Variants in TRAPPC9 observed in about 807,000 individuals in gnomAD.
TRAPPC9 encodes trafficking protein particle complex subunit 9, also known as IKK2 binding protein.
Under a neutral mutation model 124.0 loss-of-function variants are expected in TRAPPC9, and 83 were observed. That is an observed-to-expected ratio of 0.67 (90% CI 0.56 to 0.80). TRAPPC9 has a LOEUF of 0.80. Among genes scored for constraint, TRAPPC9 ranks in the 30% least tolerant of loss-of-function variants. The pLI is 0.00. For synonymous variants in TRAPPC9, 638 were observed against 617.5 expected (o/e 1.03, Z -0.49); for missense variants, 1,302 against 1,508.3 (o/e 0.86, Z 2.27).
At chr8:140,404,396 G>A (rs1364591061) in intron 6 of TRAPPC9, among the ~76,000 whole-genome samples, 1 of 152,178 alleles carries the variant, frequency 6.6e-6, no homozygotes, top group African/African-American at 2.4e-5. Flanking sequence ...GAAATCTTAA[G>A]AGCAGGCATT....
intron 1 of TRAPPC9, among the ~76,000 whole-genome samples, chr8:140,456,146 A>G (rs2071655015): frequency 6.6e-6 from 1 of 152,154 alleles, no homozygotes; most frequent in African/African-American, 2.4e-5. Context: ...ATGGTGGCTC[A>G]CGCCTGTAAT....
At chr8:139,736,416 C>G (rs1404968436) in intron 21 of TRAPPC9, among the ~76,000 whole-genome samples, 2 of 152,222 alleles carry the variant, frequency 1.3e-5, no homozygotes, top group East Asian at 3.8e-4. Context: ...CAGCAAGCAG[C>G]CGTTTCCTTC....
At chr8:139,733,698 A>G (rs1193827883) in intron 21 of TRAPPC9, among the ~76,000 whole-genome samples, 1 of 152,180 alleles carries the variant, frequency 6.6e-6, no homozygotes, top group Non-Finnish European at 1.5e-5. Flanking sequence ...GGGCCACAAG[A>G]GCACTCCCAC....
chr8:139,992,299 A>G (rs1837698646), intron 18 of TRAPPC9, among the ~76,000 whole-genome samples: 1 of 152,186 alleles, frequency 6.6e-6, no homozygotes, highest in Non-Finnish European at 1.5e-5. Flanking sequence ...AGAGATGTAC[A>G]GGTTGAGTAT....
At chr8:140,157,775 A>C (rs568617831) in intron 17 of TRAPPC9, among the ~76,000 whole-genome samples, 1 of 152,330 alleles carries the variant, frequency 6.6e-6, no homozygotes, top group East Asian at 1.9e-4. Flanking sequence ...AAAAGCAAAA[A>C]GAAGAAAAAT....
intron 21 of TRAPPC9, among the ~76,000 whole-genome samples, chr8:139,844,121 C>T (rs1008434789): frequency 3.9e-5 from 6 of 152,172 alleles, no homozygotes; most frequent in African/African-American, 1.4e-4. Flanking sequence ...CTATGCTCAC[C>T]CGCCAGAGTC....
At position 140,097,360 on chromosome 8, in the gene TRAPPC9, G is replaced by A. The variant is rs1254420956; in HGVS notation, c.2557-73281C>T. Reference sequence around the variant, plus strand: ...AGCCCTGCCACTGTCTGCAGGGTAAGGACGCCCACCTGGGTTCTTGTGCCA... The same window carrying A: ...AGCCCTGCCACTGTCTGCAGGGTAAAGACGCCCACCTGGGTTCTTGTGCCA... On this transcript the variant is annotated intron_variant, in intron 17 of 22. Transcript: ENST00000438773. This position sits in a 1 kb window ranked among gnomAD's most constrained non-coding sequence, Gnocchi z 4.2. The A allele has an allele frequency of 1.3e-5, 2 of 152,356 alleles. No homozygotes were observed. The highest frequency in any genetic ancestry group is 1.3e-4 in the Admixed American group (2 of 15,286). 9.4% of individuals were successfully genotyped at this position (152,356 alleles called of 1,614,324 possible).
chr8:140,003,862 T>A (rs1838572039), intron 18 of TRAPPC9, among the ~76,000 whole-genome samples: 1 of 152,168 alleles, frequency 6.6e-6, no homozygotes, highest in South Asian at 2.1e-4. Flanking sequence ...ACTAGAGAAT[T>A]GAAAACTTAA....
intron 13 of TRAPPC9, among the ~76,000 whole-genome samples, chr8:140,285,043 A>T (rs1342750559): frequency 6.6e-6 from 1 of 152,132 alleles, no homozygotes; most frequent in Non-Finnish European, 1.5e-5. Context: ...TCCTTTTCTT[A>T]CCTGTTGCTT....
chr8:140,172,590 AG>A (rs1257219302), intron 17 of TRAPPC9, among the ~76,000 whole-genome samples: 1 of 152,130 alleles, frequency 6.6e-6, no homozygotes, highest in Non-Finnish European at 1.5e-5. Flanking sequence ...GACTTAAGAA[AG>A]GAACAGCCTA....
At chr8:139,842,591 C>T (rs1157074072) in intron 21 of TRAPPC9, among the ~76,000 whole-genome samples, 1 of 144,640 alleles carries the variant, frequency 6.9e-6, no homozygotes, top group Non-Finnish European at 1.5e-5. Flanking sequence ...CTCTCGCCTT[C>T]GTGCCCGGGG....
intron 21 of TRAPPC9, among the ~76,000 whole-genome samples, chr8:139,861,058 G>A (rs563262821): frequency 1.3e-5 from 2 of 152,260 alleles, no homozygotes; most frequent in African/African-American, 4.8e-5. Context: ...GCATATGCTG[G>A]CGGGAAGAAC....
At position 139,730,778 on chromosome 8, in the gene TRAPPC9, G is replaced by T. The variant is rs2129916797; in HGVS notation, c.*283C>A. ...ATGGGTGCAGGGATCCTGGGACCTGGGCTGGATGGGCACCCGCTTTGGGAT... is the reference window on the plus strand; with the variant it reads ...ATGGGTGCAGGGATCCTGGGACCTGTGCTGGATGGGCACCCGCTTTGGGAT... On this transcript the variant is annotated 3_prime_UTR_variant, in exon 23 of 23. Coordinates refer to ENST00000438773, the MANE Select transcript of TRAPPC9 (RefSeq NM_001160372.4). 2 of 485,066 alleles carry T rather than the reference G, an allele frequency of 4.1e-6. No individual in the cohort carries two copies. The highest frequency in any genetic ancestry group is 4.7e-5 in the South Asian group (2 of 42,162). 30.0% of individuals were successfully genotyped at this position (485,066 alleles called of 1,614,324 possible).
At chr8:140,423,816 G>A (rs573484974) in intron 5 of TRAPPC9, among the ~76,000 whole-genome samples, 13 of 151,982 alleles carry the variant, frequency 8.6e-5, no homozygotes, top group African/African-American at 1.2e-4. Context: ...ATACTGACAC[G>A]TGCTATACGC....
intron 9 of TRAPPC9, among the ~76,000 whole-genome samples, chr8:140,340,307 C>G (rs1250326561): frequency 6.6e-6 from 1 of 152,194 alleles, no homozygotes; most frequent in Non-Finnish European, 1.5e-5. Flanking sequence ...AACTTTAGCT[C>G]GTTACTCTGT....
At chr8:140,294,673 T>C (rs2065756271) in intron 11 of TRAPPC9, among the ~76,000 whole-genome samples, 1 of 151,372 alleles carries the variant, frequency 6.6e-6, no homozygotes, top group Non-Finnish European at 1.5e-5. Flanking sequence ...AGTGGTGTGA[T>C]CTCGGCTCAC....
At chr8:140,135,194 A>T (rs1587782068) in intron 17 of TRAPPC9, among the ~76,000 whole-genome samples, 1 of 152,200 alleles carries the variant, frequency 6.6e-6, no homozygotes, top group East Asian at 1.9e-4. Flanking sequence ...CGAGAAATTG[A>T]AACCCTTGTG....
At chr8:140,229,259 T>C (rs1338557239) in intron 16 of TRAPPC9, among the ~76,000 whole-genome samples, 8 of 23,448 alleles carry the variant, frequency 3.4e-4, no homozygotes, top group East Asian at 1.1e-3. Flanking sequence ...TTCTTTTTTT[T>C]TTTTTTTTTT....
intron 19 of TRAPPC9, among the ~76,000 whole-genome samples, chr8:139,975,787 T>A (rs547292968): frequency 1.3e-5 from 2 of 152,266 alleles, no homozygotes; most frequent in South Asian, 2.1e-4. Context: ...CCTCTCTTCA[T>A]GTCACCTGTC....
Sources: gnomAD v4.1 joint callset for allele counts (sites outside exome capture counted in the v4.1 genomes callset) on GRCh38, gnomAD v4.1.1 for gene constraint, Gnocchi (gnomAD v3.1) non-coding constraint, MANE v1.5 for transcripts, NCBI Gene and HGNC (gene_info 2026-07-23, HGNC 2026-07-21) for gene names.